The following PKIG variants were observed in gnomAD, a reference collection of about 807,000 sequenced individuals.
PKIG encodes protein kinase (cAMP-dependent, catalytic) inhibitor gamma.
In PKIG, 1 loss-of-function variant was observed where a neutral mutation model predicts 6.8. The observed-to-expected ratio is 0.15, with a 90% CI of 0.05 to 0.69. PKIG has a LOEUF of 0.69. Among genes scored for constraint, PKIG ranks in the 30% least tolerant of loss-of-function variants. PKIG has a pLI of 0.82. For synonymous variants in PKIG, 39 were observed against 43.0 expected (o/e 0.91, Z 0.36); for missense variants, 77 against 104.0 (o/e 0.74, Z 1.13).
chr20:44,548,906 A>T (rs1208207590), intron 1 of PKIG, among the ~76,000 whole-genome samples: 1 of 90,736 alleles, frequency 1.1e-5, no homozygotes, highest in Admixed American at 1.0e-4. Context: ...ACACACACAT[A>T]TATCTGTCTG....
At chr20:44,552,368 A>C (rs1354858240) in intron 1 of PKIG, among the ~76,000 whole-genome samples, 1 of 152,204 alleles carries the variant, frequency 6.6e-6, no homozygotes, top group African/African-American at 2.4e-5. Flanking sequence ...TTCCTGGGCA[A>C]CTTATGTGTG....
Position 44,614,260 on chromosome 20 carries a change from T to G in PKIG, c.-23-274T>G. 7.6e-6 allele frequency: 2 copies of G among 262,464 alleles called. No individual in the cohort carries two copies. The highest frequency in any genetic ancestry group is 1.5e-5 in the Non-Finnish European group (2 of 136,312). The allele number at this position is 262,464 out of a possible 1,614,324, so 16.3% of individuals were successfully genotyped here. ...GGTATCTGTGCCAGTGCCTGGCGCA[T>G]GGTATTAATAAATGTGTGTACATGT... On this transcript the variant is annotated intron_variant, in intron 2 of 3. Transcript: ENST00000372886. This position sits in a 1 kb window ranked among gnomAD's most constrained non-coding sequence, Gnocchi z 4.6.
intron 1 of PKIG, among the ~76,000 whole-genome samples, chr20:44,574,562 TTTTTTG>T (rs60335742): frequency 0.071 from 10,804 of 151,470 alleles, 450 homozygotes; most frequent in African/African-American, 0.12. Flanking sequence ...TCAGCATGTT[TTTTTTG>T]TTTTTGTTTT....
At chr20:44,588,865 T>G (rs1465493015) in intron 1 of PKIG, among the ~76,000 whole-genome samples, 1 of 152,246 alleles carries the variant, frequency 6.6e-6, no homozygotes, top group Non-Finnish European at 1.5e-5. Flanking sequence ...ACTTGATATG[T>G]TAGCTAGATA....
chr20:44,551,842 C>G (rs890573292), intron 1 of PKIG, among the ~76,000 whole-genome samples: 5 of 152,190 alleles, frequency 3.3e-5, no homozygotes, highest in African/African-American at 9.7e-5. Flanking sequence ...AGTTCTACAA[C>G]CACATATGCT....
intron 1 of PKIG, among the ~76,000 whole-genome samples, chr20:44,584,562 T>C (rs537019073): frequency 6.6e-6 from 1 of 151,626 alleles, no homozygotes; most frequent in East Asian, 1.9e-4. Context: ...TCTTGACAAA[T>C]TAAGGTTTTT....
chr20:44,574,449 A>G (rs766661765), intron 1 of PKIG, among the ~76,000 whole-genome samples: 1 of 152,208 alleles, frequency 6.6e-6, no homozygotes, highest in Non-Finnish European at 1.5e-5. Context: ...TCAAAAATCA[A>G]AAACCCATGA....
chr20:44,549,227 C>T (rs1351697409), intron 1 of PKIG, among the ~76,000 whole-genome samples: 4 of 152,090 alleles, frequency 2.6e-5, no homozygotes. Flanking sequence ...CTTACTTATT[C>T]AAACAAACTA....
intron 1 of PKIG, among the ~76,000 whole-genome samples, chr20:44,536,801 A>G (rs1254745114): frequency 6.6e-6 from 1 of 152,280 alleles, no homozygotes; most frequent in Non-Finnish European, 1.5e-5. Flanking sequence ...TGTTGCTTAT[A>G]CTTGAACTTC....
chr20:44,581,068 G>A, upstream of PKIG, among the ~76,000 whole-genome samples: 1 of 152,162 alleles, frequency 6.6e-6, no homozygotes, highest in Admixed American at 6.5e-5. Flanking sequence ...AAATGGCATT[G>A]GCATTGGCAT....
intron 3 of PKIG, 31 bp from the exon 4 acceptor site, chr20:44,618,254 C>T (rs2065288332): frequency 6.9e-7 from 1 of 1,456,612 alleles, no homozygotes; most frequent in Non-Finnish European, 9.6e-7. Flanking sequence ...TGTATATGTG[C>T]CCAAGAAAAA....
intron 1 of PKIG, among the ~76,000 whole-genome samples, chr20:44,557,920 C>CT (rs2123225644): frequency 6.6e-6 from 1 of 152,248 alleles, no homozygotes; most frequent in African/African-American, 2.4e-5. Context: ...TTTTCCATGT[C>CT]TGAGAACTCA....
chr20:44,574,656 C>G (rs566807205), intron 1 of PKIG, among the ~76,000 whole-genome samples: 19 of 152,240 alleles, frequency 1.2e-4, no homozygotes, highest in African/African-American at 4.6e-4. Context: ...TCACTGCTAC[C>G]TCCACCTCCC....
intron 1 of PKIG, among the ~76,000 whole-genome samples, chr20:44,585,854 T>C (rs545830015): frequency 6.6e-6 from 1 of 152,322 alleles, no homozygotes; most frequent in Admixed American, 6.5e-5. Context: ...GTGTCTACCG[T>C]TTCTTTCGAT....
chr20:44,578,012 T>C (rs552765451), upstream of PKIG, among the ~76,000 whole-genome samples: 444 of 152,242 alleles, frequency 2.9e-3, 2 homozygotes, highest in Middle Eastern at 0.017. Context: ...CTTGTTCGGT[T>C]AGTTCAAGTG....
At chr20:44,589,976 G>T (rs1409629733) in intron 2 of PKIG, 110 bp downstream of exon 2, 2 of 152,340 alleles carry the variant, frequency 1.3e-5, no homozygotes, top group East Asian at 3.7e-4. Flanking sequence ...AACTAAATTA[G>T]TGGGAGATTT....
intron 1 of PKIG, among the ~76,000 whole-genome samples, chr20:44,565,290 A>G (rs183258836): frequency 6.5e-4 from 99 of 152,358 alleles, no homozygotes; most frequent in African/African-American, 2.2e-3. Flanking sequence ...GAGATAGAAT[A>G]TAACAAGTAG....
intron 1 of PKIG, among the ~76,000 whole-genome samples, chr20:44,561,772 A>G (rs1011085793): frequency 6.6e-6 from 1 of 152,204 alleles, no homozygotes; most frequent in African/African-American, 2.4e-5. Context: ...TTTAATATAC[A>G]TTTAATTAGA....
At chr20:44,561,537 T>TA (rs1028108045) in intron 1 of PKIG, among the ~76,000 whole-genome samples, 7 of 152,190 alleles carry the variant, frequency 4.6e-5, no homozygotes, top group African/African-American at 1.7e-4. Flanking sequence ...TCAAGAGATT[T>TA]AAAAAATGTA....
Sources: allele counts gnomAD v4.1 joint callset (sites outside exome capture counted in the v4.1 genomes callset), GRCh38; gene constraint gnomAD v4.1.1; non-coding constraint Gnocchi (gnomAD v3.1); transcripts MANE v1.5; gene names NCBI Gene and HGNC (gene_info 2026-07-23, HGNC 2026-07-21).